The following KLHL28 variants were observed in gnomAD, a reference collection of about 807,000 sequenced individuals.
The protein encoded by KLHL28 is kelch-like protein 28.
Under a neutral mutation model 48.3 loss-of-function variants are expected in KLHL28, and 22 were observed. That is an observed-to-expected ratio of 0.46 (90% CI 0.33 to 0.65). The LOEUF (loss-of-function observed/expected upper bound fraction) is 0.65. KLHL28 is among the 30% of genes least tolerant of loss of function. The pLI, the probability that KLHL28 is intolerant of heterozygous loss-of-function variation, is 0.03. For synonymous variants in KLHL28, 243 were observed against 242.4 expected, an observed-to-expected ratio of 1.00 and a Z score of -0.02; for missense variants, 527 against 704.3, an observed-to-expected ratio of 0.75 and a Z score of 2.85.
At chr14:44,951,069 C>G (rs1018020284) in intron 1 of KLHL28, among the ~76,000 whole-genome samples, 1 of 152,176 alleles carries the variant, frequency 6.6e-6, no homozygotes, top group African/African-American at 2.4e-5. Context: ...ATCCTTGTCC[C>G]GCACATCAAA....
At chr14:44,961,000 A>C (rs1885054298) in intron 1 of KLHL28, 2 of 316,976 alleles carry the variant, frequency 6.3e-6, no homozygotes, top group South Asian at 1.2e-4. Context: ...TTATTCCTTC[A>C]AAAAAAAAAA....
At chr14:44,931,224 T>TC in intron 4 of KLHL28, 109 bp downstream of exon 4, 2 of 595,696 alleles carry the variant, frequency 3.4e-6, no homozygotes, top group Non-Finnish European at 5.4e-6. Context: ...TTTTTTTTTT[T>TC]CTGGACAAGT....
intron 4 of KLHL28, among the ~76,000 whole-genome samples, 173 bp from the exon 5 acceptor site, chr14:44,929,364 A>G (rs1256409243): frequency 2.6e-5 from 4 of 152,170 alleles, no homozygotes; most frequent in Non-Finnish European, 5.9e-5. Flanking sequence ...TTTGCTTTCC[A>G]TGCTTTCAGT....
chr14:44,929,244 T>C, intron 4 of KLHL28, 53 bp from the exon 5 acceptor site: 1 of 1,405,954 alleles, frequency 7.1e-7, no homozygotes, highest in African/African-American at 1.5e-5. Flanking sequence ...TGAAGTATAC[T>C]TTTTCTCACT....
intron 2 of KLHL28, among the ~76,000 whole-genome samples, chr14:44,944,063 T>C (rs1021490346): frequency 3.4e-4 from 52 of 152,016 alleles, no homozygotes; most frequent in Non-Finnish European, 1.5e-5. Context: ...TTTCCTAACA[T>C]TGGAAAGGGA....
chr14:44,930,452 TG>T (rs1163974822), intron 4 of KLHL28, among the ~76,000 whole-genome samples: 1 of 152,038 alleles, frequency 6.6e-6, no homozygotes, highest in Admixed American at 6.6e-5. Flanking sequence ...TTAGTAGAGA[TG>T]GGGTTTCAAC....
At chr14:44,954,451 G>C (rs1318059011) in intron 1 of KLHL28, among the ~76,000 whole-genome samples, 1 of 152,136 alleles carries the variant, frequency 6.6e-6, no homozygotes, top group Non-Finnish European at 1.5e-5. Flanking sequence ...CTCATGTCCA[G>C]CAACAAAAGA....
At chr14:44,933,724 A>G (rs1883682326) in intron 3 of KLHL28, among the ~76,000 whole-genome samples, 1 of 152,214 alleles carries the variant, frequency 6.6e-6, no homozygotes, top group Non-Finnish European at 1.5e-5. Flanking sequence ...ATGATGTGCT[A>G]TAATATTGTA....
At chr14:44,951,553 G>T (rs1884580535) in intron 1 of KLHL28, among the ~76,000 whole-genome samples, 1 of 152,118 alleles carries the variant, frequency 6.6e-6, no homozygotes, top group Non-Finnish European at 1.5e-5. Context: ...GAACCAGCAT[G>T]GTTCATTTTA....
At chr14:44,930,292 T>G (rs934689750) in intron 4 of KLHL28, among the ~76,000 whole-genome samples, 1 of 152,128 alleles carries the variant, frequency 6.6e-6, no homozygotes, top group Non-Finnish European at 1.5e-5. Context: ...CTCCAACATT[T>G]GAAACTTTTT....
chr14:44,956,519 A>G (rs1884800075), intron 1 of KLHL28, among the ~76,000 whole-genome samples: 1 of 152,230 alleles, frequency 6.6e-6, no homozygotes, highest in South Asian at 2.1e-4. Flanking sequence ...ATTAATTTAC[A>G]TAAAATATAG....
intron 2 of KLHL28, among the ~76,000 whole-genome samples, chr14:44,941,342 CCCA>C (rs1391987845): frequency 5.9e-5 from 9 of 152,028 alleles, no homozygotes; most frequent in African/African-American, 2.2e-4. Context: ...CTTGAAATTA[CCCA>C]CCAAGGCCAG....
Position 44,929,159 on chromosome 14 carries a change from A to G in KLHL28, c.1585T>C (p.Tyr529His). The change falls in exon 5 of 5, where the codon TAT becomes CAT. Residue 529 changes from tyrosine to histidine, a missense_variant. By Grantham distance (83) the Tyr-to-His change is moderately conservative. Transcript: ENST00000396128. ...GACCCTGAGTGACCACCGACGACAT[A>G]AAGGTAGTTATCGATTACAGCAGCA... ...VGAAVIDNYL[Y>H]VVGGHSGSSY... 6.2e-7 allele frequency: 1 copy of G among 1,612,564 alleles called. No homozygotes were observed. Among genetic ancestry groups the G allele is most frequent in the Non-Finnish European group, 8.5e-7 (1 of 1,179,050 alleles).
At chr14:44,937,228 C>T (rs1445390202) in intron 2 of KLHL28, among the ~76,000 whole-genome samples, 1 of 151,744 alleles carries the variant, frequency 6.6e-6, no homozygotes, top group Admixed American at 6.6e-5. Context: ...TCACCACAAC[C>T]TCCGCCTCCC....
intron 1 of KLHL28, chr14:44,961,606 G>A (rs910542839): frequency 6.6e-6 from 1 of 152,240 alleles, no homozygotes; most frequent in African/African-American, 2.4e-5. Flanking sequence ...CCCGATTTGT[G>A]AGCTTGGCCG....
At chr14:44,934,006 A>G (rs140932264) in intron 3 of KLHL28, 109 bp downstream of exon 3, 5 of 784,492 alleles carry the variant, frequency 6.4e-6, no homozygotes, top group Admixed American at 3.1e-5. Flanking sequence ...AGTTTCCCAA[A>G]TGCCGGAAGT....
intron 2 of KLHL28, among the ~76,000 whole-genome samples, chr14:44,935,499 TATAAC>T (rs1393957392): frequency 3.3e-5 from 5 of 152,182 alleles, no homozygotes; most frequent in East Asian, 3.9e-4. Context: ...TCATACACTA[TATAAC>T]ATATCAATTA....
At position 44,926,231 on chromosome 14, in the gene KLHL28, C is replaced by A. The variant is rs547988608; in HGVS notation, c.*2797G>T. The A allele has an allele frequency of 1.3e-5, 2 of 152,240 alleles. No individual in the cohort carries two copies. The highest frequency in any genetic ancestry group is 4.8e-5 in the African/African-American group (2 of 41,536). The allele number at this position is 152,240 out of a possible 1,614,324, so 9.4% of individuals were successfully genotyped here. A position where few individuals can be genotyped will look rare whatever the true frequency, so the allele number is the denominator to read the frequency against. On this transcript the variant is annotated 3_prime_UTR_variant, in exon 5 of 5. Transcript: ENST00000396128. Reference sequence around the variant, plus strand: ...GAATAATACAGTAGGTTAAGCAATCCTAAAATAAATATACTTCTAAATTTT... The same window carrying A: ...GAATAATACAGTAGGTTAAGCAATCATAAAATAAATATACTTCTAAATTTT...
chr14:44,939,883 G>A (rs1883996493), intron 2 of KLHL28, among the ~76,000 whole-genome samples: 1 of 152,076 alleles, frequency 6.6e-6, no homozygotes, highest in Non-Finnish European at 1.5e-5. Context: ...CAGTTCCAAA[G>A]CCACTTCCAT....
Sources: allele counts gnomAD v4.1 joint callset (sites outside exome capture counted in the v4.1 genomes callset), GRCh38; gene constraint gnomAD v4.1.1; transcripts MANE v1.5; gene names NCBI Gene and HGNC (gene_info 2026-07-23, HGNC 2026-07-21).